Variants in MOSPD1 observed in about 807,000 individuals in gnomAD.
MOSPD1 encodes motile sperm domain containing 1, also known as motile sperm domain-containing protein 1.
In MOSPD1, 5 loss-of-function variants were observed where a neutral mutation model predicts 16.7. The ratio of observed to expected loss-of-function variants is 0.30; its 90% CI spans 0.16 to 0.63. The LOEUF (loss-of-function observed/expected upper bound fraction) is 0.63, where lower values mean the gene tolerates loss of function less well. Among genes scored for constraint, MOSPD1 ranks in the 30% least tolerant of loss-of-function variants. The pLI, the probability that MOSPD1 is intolerant of heterozygous loss-of-function variation, is 0.82. For missense variants in MOSPD1, 104 were observed against 153.6 expected, an observed-to-expected ratio of 0.68 and a Z score of 1.71; for synonymous variants, 67 against 59.2, an observed-to-expected ratio of 1.13 and a Z score of -0.61.
intron 1 of MOSPD1, among the ~76,000 whole-genome samples, chrX:134,903,806 CAAGGCAGG>C (rs2082927186): frequency 9.1e-6 from 1 of 109,407 alleles, no homozygotes; most frequent in Non-Finnish European, 1.9e-5. Flanking sequence ...TTTGGGAGGC[CAAGGCAGG>C]CAGATCACGA....
chrX:134,890,721 T>C (rs1434915334), intron 5 of MOSPD1, among the ~76,000 whole-genome samples: 1 of 110,758 alleles, frequency 9.0e-6, no homozygotes, highest in Non-Finnish European at 1.9e-5. Flanking sequence ...GGCAGGAGAA[T>C]AGCTTGAACC....
intron 1 of MOSPD1, among the ~76,000 whole-genome samples, chrX:134,913,436 A>T (rs2082983428): frequency 8.9e-6 from 1 of 111,933 alleles, no homozygotes; most frequent in Non-Finnish European, 1.9e-5. Context: ...AAACTTCTTT[A>T]AAAACAGAAA....
At chrX:134,896,464 T>C (rs1182125034) in intron 4 of MOSPD1, among the ~76,000 whole-genome samples, 1 of 111,794 alleles carries the variant, frequency 8.9e-6, no homozygotes, top group East Asian at 2.8e-4. Flanking sequence ...AGGAAAGTCA[T>C]GGAAACAAAA....
At chrX:134,913,141 A>AG (rs200570945) in intron 1 of MOSPD1, among the ~76,000 whole-genome samples, 1,460 of 110,204 alleles carry the variant, frequency 0.013, 27 homozygotes, top group African/African-American at 0.044. Flanking sequence ...TGGGAGACCG[A>AG]GGGGGGGCAG....
chrX:134,890,541 G>C (rs2082857474), intron 5 of MOSPD1, among the ~76,000 whole-genome samples: 1 of 111,138 alleles, frequency 9.0e-6, no homozygotes, highest in Non-Finnish European at 1.9e-5. Context: ...AGGTGTGGTG[G>C]CTCACGCCTG....
At chrX:134,913,791 T>C (rs181620919) in intron 1 of MOSPD1, among the ~76,000 whole-genome samples, 82 of 112,037 alleles carry the variant, frequency 7.3e-4, no homozygotes, top group East Asian at 7.0e-3. Context: ...TCTCCTAGTA[T>C]TTAGGTATAC....
chrX:134,908,219 A>C lies in MOSPD1; in HGVS notation c.-102+6963T>G, dbSNP rs2082952628. Among the ~76,000 whole-genome samples, 2 of 112,406 alleles carry C rather than the reference A, an allele frequency of 1.8e-5. 1 individual carries two copies. The highest frequency in any genetic ancestry group is 7.3e-4 in the South Asian group (2 of 2,747). Reference sequence around the variant, plus strand: ...CCAAGGTCAGTGCTGGGCACTTAGCAGATAGCTAAAAGCTTATCAGTTATC... The same window carrying C: ...CCAAGGTCAGTGCTGGGCACTTAGCCGATAGCTAAAAGCTTATCAGTTATC... On this transcript the variant is annotated intron_variant, in intron 1 of 5. Coordinates refer to ENST00000370783, the MANE Select transcript of MOSPD1 (RefSeq NM_019556.3).
At chrX:134,892,876 AGC>A (rs1278135785) in intron 4 of MOSPD1, among the ~76,000 whole-genome samples, 3 of 111,613 alleles carry the variant, frequency 2.7e-5, no homozygotes, top group Non-Finnish European at 5.6e-5. Context: ...TGGGTGACAG[AGC>A]AAGACTCTGT....
chrX:134,889,689 G>GAC (rs1165381498), intron 5 of MOSPD1, among the ~76,000 whole-genome samples: 1 of 87,372 alleles, frequency 1.1e-5, no homozygotes, highest in East Asian at 4.2e-4. Flanking sequence ...ATGAAAGTGT[G>GAC]ATAAAAAAAA....
In MOSPD1 at chrX:134,905,479, G is replaced by T. The variant is rs2082937176; in HGVS notation, c.-101-5945C>A. Among the ~76,000 whole-genome samples, 7 of 110,164 alleles carry T rather than the reference G, an allele frequency of 6.4e-5. No homozygotes were observed. The South Asian group carries it at 2.7e-3, about 42-fold the overall frequency. On this transcript the variant is annotated intron_variant, in intron 1 of 5. Transcript: ENST00000370783. ...GTTTGTCCCTGGAGAGAGAAATGGG[G>T]GTGGAAGGAATTTTTCTCTGGATAT... is the stretch of plus-strand genomic sequence containing the variant.
intron 1 of MOSPD1, among the ~76,000 whole-genome samples, chrX:134,914,881 G>A (rs1343763483): frequency 2.7e-5 from 3 of 112,734 alleles, no homozygotes; most frequent in Non-Finnish European, 5.6e-5. Context: ...GCACCGAGAG[G>A]CTCCCGAGCC....
intron 1 of MOSPD1, among the ~76,000 whole-genome samples, chrX:134,900,987 G>A (rs2082908822): frequency 9.8e-6 from 1 of 102,068 alleles, no homozygotes; most frequent in African/African-American, 3.5e-5. Flanking sequence ...TCAAGTTCGG[G>A]TTCTCATACA....
In MOSPD1 at chrX:134,898,025, C is replaced by T. The variant is rs1027089996; in HGVS notation, c.231-991G>A. Among the ~76,000 whole-genome samples the T allele has an allele frequency of 1.2e-4, 13 of 110,204 alleles. No individual in the cohort carries two copies. In the South Asian group the frequency reaches 3.1e-3, roughly 27 times the overall value. On this transcript the variant is annotated intron_variant, in intron 3 of 5. Coordinates refer to ENST00000370783, the MANE Select transcript of MOSPD1 (RefSeq NM_019556.3). ...CTGGGATTACAGGCACCTGTCACCA[C>T]GCCCAGCTATTTTTTTTTTTAATTT...
At chrX:134,901,691 GAAGAA>G (rs1337943292) in intron 1 of MOSPD1, among the ~76,000 whole-genome samples, 4 of 111,278 alleles carry the variant, frequency 3.6e-5, no homozygotes, top group Non-Finnish European at 5.7e-5. Flanking sequence ...GGTGGTCTTG[GAAGAA>G]AAGAAGGGTA....
intron 4 of MOSPD1, among the ~76,000 whole-genome samples, chrX:134,893,516 C>A (rs1337245050): frequency 2.7e-5 from 3 of 111,827 alleles, no homozygotes; most frequent in Admixed American, 9.5e-5. Flanking sequence ...ACTACAGGAT[C>A]GTTGTAAAAT....
At chrX:134,896,560 T>C (rs938219723) in intron 4 of MOSPD1, among the ~76,000 whole-genome samples, 8 of 111,711 alleles carry the variant, frequency 7.2e-5, no homozygotes, top group Admixed American at 4.8e-4. Flanking sequence ...TAAATACAGA[T>C]ATATTTAAAA....
intron 3 of MOSPD1, 149 bp downstream of exon 3, chrX:134,898,941 A>T: frequency 2.1e-6 from 1 of 476,772 alleles, no homozygotes; most frequent in Admixed American, 3.7e-5. Context: ...TCTTAGAAAC[A>T]ATTTCGATAG....
intron 1 of MOSPD1, among the ~76,000 whole-genome samples, chrX:134,906,174 CTT>C (rs765109385): frequency 8.8e-5 from 5 of 56,653 alleles, no homozygotes; most frequent in African/African-American, 9.0e-5. Flanking sequence ...CCATTTATCA[CTT>C]TTTTTTTTTT....
rs776784672 is a variant in MOSPD1, at chrX:134,894,974, T to C, written c.448+1843A>G. ...AAACAGAGATCACCATGTGTTATGC[T>C]AGCATCACCTATCCTCATTCATCTG... On this transcript the variant is annotated intron_variant, in intron 4 of 5. Coordinates refer to ENST00000370783, the MANE Select transcript of MOSPD1 (RefSeq NM_019556.3). Among the ~76,000 whole-genome samples, 5 of 112,344 alleles carry C rather than the reference T, an allele frequency of 4.5e-5. No homozygotes were observed. In the South Asian group the frequency reaches 1.8e-3, roughly 41 times the overall value.
Sources: gnomAD v4.1 joint callset for allele counts (sites outside exome capture counted in the v4.1 genomes callset) on GRCh38, gnomAD v4.1.1 for gene constraint, MANE v1.5 for transcripts, NCBI Gene and HGNC (gene_info 2026-07-23, HGNC 2026-07-21) for gene names.